Variants in RDX observed in about 807,000 individuals in gnomAD.
The protein encoded by RDX is deafness, autosomal recessive 24.
In RDX, 32 loss-of-function variants were observed where a neutral mutation model predicts 83.7. That is an observed-to-expected ratio of 0.38 (90% CI 0.29 to 0.51). RDX has a LOEUF of 0.51. RDX is among the 20% of genes least tolerant of loss of function. The pLI is 0.87. For missense variants in RDX, 600 were observed against 689.9 expected, an observed-to-expected ratio of 0.87 and a Z score of 1.46; for synonymous variants, 229 against 222.7, an observed-to-expected ratio of 1.03 and a Z score of -0.25.
intron 1 of RDX, among the ~76,000 whole-genome samples, chr11:110,282,390 A>G (rs1053543359): frequency 3.3e-5 from 5 of 152,124 alleles, no homozygotes; most frequent in Non-Finnish European, 5.9e-5. Context: ...GAGTTCTACA[A>G]CGTATCAGCC....
chr11:110,237,437 G>T, intron 11 of RDX, 55 bp downstream of exon 11: 1 of 1,545,268 alleles, frequency 6.5e-7, no homozygotes, highest in South Asian at 1.2e-5. Flanking sequence ...CTTTTTTAGA[G>T]GGTTCACTCT....
chr11:110,206,606 C>G (rs1863614711), intron 14 of RDX, among the ~76,000 whole-genome samples: 1 of 152,186 alleles, frequency 6.6e-6, no homozygotes, highest in African/African-American at 2.4e-5. Context: ...ACATGAGTAT[C>G]TAATATATAT....
At chr11:110,295,890 T>G (rs1861435558) in intron 1 of RDX, among the ~76,000 whole-genome samples, 1 of 151,930 alleles carries the variant, frequency 6.6e-6, no homozygotes, top group African/African-American at 2.4e-5. Context: ...CGGGAGCGAC[T>G]GGCGCCCCAA....
intron 2 of RDX, among the ~76,000 whole-genome samples, chr11:110,278,609 CA>C (rs1481798664): frequency 6.6e-6 from 1 of 151,848 alleles, no homozygotes; most frequent in African/African-American, 2.4e-5. Flanking sequence ...TTGCTAAATT[CA>C]GTTATTGGTT....
chr11:110,235,193 A>C lies in RDX; in HGVS notation c.1344+906T>G, dbSNP rs145897577. Among the ~76,000 whole-genome samples the C allele has an allele frequency of 1.6e-3, 237 of 152,246 alleles. 2 individuals are homozygous for C. The highest frequency in any genetic ancestry group is 5.5e-3 in the African/African-American group (230 of 41,540). On this transcript the variant is annotated intron_variant, in intron 12 of 13. Transcript: ENST00000645495. ...ACAGCAAGACCTCCATTCTCAACAA[A>C]AATAAAAATGATGGTGCATGCCTGT...
At chr11:110,244,377 A>G (rs1310296467) in intron 10 of RDX, among the ~76,000 whole-genome samples, 3 of 150,414 alleles carry the variant, frequency 2.0e-5, no homozygotes, top group Non-Finnish European at 4.4e-5. Context: ...AAAAAAAAAA[A>G]AAAAAAAAAA....
At chr11:110,217,079 G>C (rs1417658965) in intron 14 of RDX, among the ~76,000 whole-genome samples, 3 of 152,128 alleles carry the variant, frequency 2.0e-5, no homozygotes, top group Non-Finnish European at 2.9e-5. Flanking sequence ...TCTGGCATTT[G>C]CATCTACCAT....
At chr11:110,285,578 T>C (rs1197488365) in intron 1 of RDX, among the ~76,000 whole-genome samples, 1 of 151,908 alleles carries the variant, frequency 6.6e-6, no homozygotes, top group East Asian at 1.9e-4. Context: ...CCAAACATGA[T>C]GGCACATGCC....
At chr11:110,210,986 T>TA (rs1223116031) in intron 14 of RDX, among the ~76,000 whole-genome samples, 1 of 150,816 alleles carries the variant, frequency 6.6e-6, no homozygotes, top group African/African-American at 2.4e-5. Flanking sequence ...AATTCACACA[T>TA]AACAATATTC....
intron 9 of RDX, among the ~76,000 whole-genome samples, chr11:110,248,306 A>G (rs1341288296): frequency 6.6e-6 from 1 of 152,222 alleles, no homozygotes; most frequent in Non-Finnish European, 1.5e-5. Context: ...AAATGACAAC[A>G]TAAATATTTT....
At chr11:110,209,728 A>C (rs1863759092) in intron 14 of RDX, among the ~76,000 whole-genome samples, 1 of 146,420 alleles carries the variant, frequency 6.8e-6, no homozygotes, top group Non-Finnish European at 1.5e-5. Flanking sequence ...GCAGGGGCAC[A>C]CTGACACCTC....
At chr11:110,289,254 A>C (rs1050489302) in intron 1 of RDX, among the ~76,000 whole-genome samples, 12 of 151,712 alleles carry the variant, frequency 7.9e-5, no homozygotes, top group Non-Finnish European at 1.3e-4. Context: ...AAAAAAAAAA[A>C]AAAAAAACTT....
intron 13 of RDX, among the ~76,000 whole-genome samples, chr11:110,232,689 C>T (rs957117623): frequency 1.3e-5 from 2 of 152,072 alleles, no homozygotes; most frequent in African/African-American, 2.4e-5. Flanking sequence ...GGCATGATCT[C>T]GGCTCACTGC....
chr11:110,262,177 T>G (rs1859833138), intron 5 of RDX, among the ~76,000 whole-genome samples: 1 of 152,206 alleles, frequency 6.6e-6, no homozygotes, highest in African/African-American at 2.4e-5. Context: ...ATAAACAGAC[T>G]ATCAGATATC....
intron 2 of RDX, among the ~76,000 whole-genome samples, chr11:110,277,848 G>A (rs1860582535): frequency 6.6e-6 from 1 of 152,022 alleles, no homozygotes; most frequent in African/African-American, 2.4e-5. Context: ...AATTTTCTGT[G>A]TATTACATAA....
intron 15 of RDX, chr11:110,185,463 A>G (rs1862968209): frequency 6.6e-6 from 1 of 152,230 alleles, no homozygotes; most frequent in Non-Finnish European, 1.5e-5. Flanking sequence ...TCTCCAGTCC[A>G]GCAGCCTCAG....
chr11:110,254,824 T>C (rs1859479211), intron 8 of RDX, among the ~76,000 whole-genome samples: 1 of 152,150 alleles, frequency 6.6e-6, no homozygotes, highest in Non-Finnish European at 1.5e-5. Context: ...GTTAGGATAC[T>C]AGAGTATACT....
chr11:110,254,748 A>G (rs1386063313), intron 8 of RDX, among the ~76,000 whole-genome samples: 1 of 152,136 alleles, frequency 6.6e-6, no homozygotes, highest in African/African-American at 2.4e-5. Context: ...AAGTGCTGGG[A>G]TTATGGTCCT....
At chr11:110,257,954 C>T in intron 6 of RDX, 41 bp from the exon 7 acceptor site, 1 of 1,587,690 alleles carries the variant, frequency 6.3e-7, no homozygotes, top group Non-Finnish European at 8.6e-7. Flanking sequence ...TAAGTAGGAG[C>T]ATATCAAACT....
Sources: allele counts gnomAD v4.1 joint callset (sites outside exome capture counted in the v4.1 genomes callset), GRCh38; gene constraint gnomAD v4.1.1; transcripts MANE v1.5; gene names NCBI Gene and HGNC (gene_info 2026-07-23, HGNC 2026-07-21).